Variants in STAG1 observed in about 807,000 individuals in gnomAD.
STAG1 encodes the protein cohesin subunit SA-1.
A neutral mutation model predicts 170.9 loss-of-function variants in STAG1; 26 were observed. The ratio of observed to expected loss-of-function variants is 0.15; its 90% confidence interval spans 0.11 to 0.21. The LOEUF (loss-of-function observed/expected upper bound fraction) is 0.21, where lower values mean the gene tolerates loss of function less well. STAG1 is among the 10% of genes least tolerant of loss of function. The pLI, the probability that STAG1 is intolerant of heterozygous loss-of-function variation, is 1.00. For synonymous variants in STAG1, 514 were observed against 497.7 expected (o/e 1.03, Z -0.44); for missense variants, 964 against 1,509.5 (o/e 0.64, Z 5.99).
intron 6 of STAG1, among the ~76,000 whole-genome samples, chr3:136,522,816 G>GTGTTTGGTTTTTTGTCCT (rs1934754177): frequency 6.7e-6 from 1 of 149,240 alleles, no homozygotes; most frequent in African/African-American, 2.5e-5. Flanking sequence ...AGAACATGCA[G>GTGTTTGGTTTTTTGTCCT]TGTTTGGTTT....
intron 4 of STAG1, among the ~76,000 whole-genome samples, chr3:136,577,108 G>T (rs1937492192): frequency 6.6e-6 from 1 of 152,170 alleles, no homozygotes; most frequent in African/African-American, 2.4e-5. Context: ...CATGGCTGCT[G>T]AATTTAGGAA....
chr3:136,459,056 A>T (rs542153630), intron 13 of STAG1, among the ~76,000 whole-genome samples: 1 of 152,180 alleles, frequency 6.6e-6, no homozygotes, highest in African/African-American at 2.4e-5. Context: ...TGTCTCTACT[A>T]GAAACACAAA....
At chr3:136,443,748 T>C (rs1419955800) in intron 14 of STAG1, among the ~76,000 whole-genome samples, 1 of 145,476 alleles carries the variant, frequency 6.9e-6, no homozygotes, top group African/African-American at 2.5e-5. Flanking sequence ...TCTTCAACTA[T>C]CTTTATTTTT....
chr3:136,469,367 G>A (rs1011062856), intron 12 of STAG1, among the ~76,000 whole-genome samples: 2 of 152,130 alleles, frequency 1.3e-5, no homozygotes, highest in African/African-American at 2.4e-5. Flanking sequence ...CAAATCACGA[G>A]TGAACTCCCA....
At chr3:136,525,068 T>G (rs1473577623) in intron 6 of STAG1, among the ~76,000 whole-genome samples, 1 of 152,332 alleles carries the variant, frequency 6.6e-6, no homozygotes, top group Non-Finnish European at 1.5e-5. Flanking sequence ...TTTTTTGTTA[T>G]GTCTCTGCCA....
At chr3:136,549,139 G>A (rs1040828860) in intron 5 of STAG1, among the ~76,000 whole-genome samples, 2 of 152,074 alleles carry the variant, frequency 1.3e-5, no homozygotes, top group African/African-American at 4.8e-5. Context: ...TTATTCCCAA[G>A]TATTTTATTC....
intron 6 of STAG1, among the ~76,000 whole-genome samples, chr3:136,541,879 C>A (rs897129603): frequency 1.4e-4 from 21 of 152,056 alleles, no homozygotes; most frequent in African/African-American, 5.1e-4. Context: ...CAAGAATCTA[C>A]TTTTACCTCA....
intron 7 of STAG1, among the ~76,000 whole-genome samples, chr3:136,511,051 C>T (rs1037887294): frequency 1.2e-4 from 19 of 152,178 alleles, no homozygotes; most frequent in African/African-American, 4.1e-4. Context: ...GGATTACAGG[C>T]ATGAGCCACT....
intron 9 of STAG1, among the ~76,000 whole-genome samples, chr3:136,478,801 G>A (rs980744168): frequency 6.6e-6 from 1 of 152,072 alleles, no homozygotes; most frequent in Middle Eastern, 3.2e-3. Flanking sequence ...CTCATGGAGA[G>A]GCTGTACAAC....
At chr3:136,671,027 G>A (rs1033023467) in intron 1 of STAG1, among the ~76,000 whole-genome samples, 5 of 152,132 alleles carry the variant, frequency 3.3e-5, no homozygotes, top group African/African-American at 1.2e-4. Flanking sequence ...ACTCACGCCT[G>A]TAATCCCAGC....
At chr3:136,686,947 A>G (rs1257691927) in intron 1 of STAG1, among the ~76,000 whole-genome samples, 1 of 152,190 alleles carries the variant, frequency 6.6e-6, no homozygotes, top group Non-Finnish European at 1.5e-5. Flanking sequence ...ATTAGTCACA[A>G]ATTTTTGACC....
chr3:136,359,087 G>A, intron 27 of STAG1, 61 bp downstream of exon 27: 1 of 1,388,292 alleles, frequency 7.2e-7, no homozygotes, highest in Non-Finnish European at 9.8e-7. Context: ...TCATATAAGA[G>A]TTATTTCATT....
chr3:136,709,206 C>T (rs1311394888), intron 1 of STAG1, among the ~76,000 whole-genome samples: 1 of 151,888 alleles, frequency 6.6e-6, no homozygotes, highest in African/African-American at 2.4e-5. Flanking sequence ...AGGAGATTCA[C>T]ATGAACCCGA....
intron 9 of STAG1, among the ~76,000 whole-genome samples, chr3:136,479,009 C>G (rs146568057): frequency 1.2e-3 from 175 of 150,446 alleles, no homozygotes; most frequent in African/African-American, 2.5e-3. Context: ...ACTTAGAATT[C>G]TACCTGGCAT....
At chr3:136,588,873 C>T (rs1576638368) in intron 4 of STAG1, among the ~76,000 whole-genome samples, 1 of 152,192 alleles carries the variant, frequency 6.6e-6, no homozygotes, top group Non-Finnish European at 1.5e-5. Context: ...AGCAATTCTC[C>T]TGCTTCAGCC....
intron 1 of STAG1, among the ~76,000 whole-genome samples, chr3:136,701,044 G>A (rs1241081831): frequency 6.6e-6 from 1 of 150,934 alleles, no homozygotes; most frequent in Non-Finnish European, 1.5e-5. Context: ...ACCACACTTG[G>A]CTAATTTTTG....
intron 8 of STAG1, among the ~76,000 whole-genome samples, chr3:136,501,268 T>C (rs181771008): frequency 1.4e-4 from 22 of 152,354 alleles, no homozygotes; most frequent in Admixed American, 1.0e-3. Flanking sequence ...ACTTCTATAA[T>C]ATTTCAAGTA....
chr3:136,410,197 C>A (rs1410905053), intron 21 of STAG1, among the ~76,000 whole-genome samples: 2 of 151,688 alleles, frequency 1.3e-5, no homozygotes, highest in Admixed American at 6.6e-5. Flanking sequence ...GTCAGGAGTT[C>A]AAGACCAGCC....
At chr3:136,738,864 T>C (rs1934496358) in intron 1 of STAG1, among the ~76,000 whole-genome samples, 1 of 152,212 alleles carries the variant, frequency 6.6e-6, no homozygotes. Flanking sequence ...AGCCATTCCA[T>C]AATGTACACA....
Sources: allele counts gnomAD v4.1 joint callset (sites outside exome capture counted in the v4.1 genomes callset), GRCh38; gene constraint gnomAD v4.1.1; transcripts MANE v1.5; gene names NCBI Gene and HGNC (gene_info 2026-07-23, HGNC 2026-07-21).